PCBP3: variants seen among roughly 807,000 people sequenced by gnomAD.
PCBP3 encodes the protein poly(rC)-binding protein 3.
PCBP3 carries 25 observed loss-of-function variants against 52.7 expected under a neutral mutation model. The ratio of observed to expected loss-of-function variants is 0.47; its 90% CI spans 0.35 to 0.66. PCBP3 has a LOEUF of 0.66. Among genes scored for constraint, PCBP3 ranks in the 30% least tolerant of loss-of-function variants. The probability of loss-of-function intolerance (pLI) is 0.01; values close to 1 mark genes in which losing one functional copy is unlikely to be tolerated. For synonymous variants in PCBP3, 162 were observed against 183.0 expected (o/e 0.89, Z 0.93); for missense variants, 391 against 490.3 (o/e 0.80, Z 1.91).
At chr21:45,792,418 G>A (rs2091665156) in intron 4 of PCBP3, among the ~76,000 whole-genome samples, 1 of 152,214 alleles carries the variant, frequency 6.6e-6, no homozygotes, top group Non-Finnish European at 1.5e-5. Context: ...TGGGATAAGA[G>A]GTTAGCTTAT....
chr21:45,826,318 T>C (rs865991235), intron 4 of PCBP3, among the ~76,000 whole-genome samples: 17 of 152,012 alleles, frequency 1.1e-4, no homozygotes, highest in African/African-American at 3.6e-4. Context: ...CCAGGTGTCA[T>C]GTTACCTCAA....
chr21:45,658,125 A>C (rs2080139690), intron 1 of PCBP3, among the ~76,000 whole-genome samples: 1 of 152,106 alleles, frequency 6.6e-6, no homozygotes, highest in South Asian at 2.1e-4. Flanking sequence ...AAGCGTGTTG[A>C]ATGTTGTCAG....
At chr21:45,835,651 C>A (rs1324128570) in intron 4 of PCBP3, among the ~76,000 whole-genome samples, 1 of 152,222 alleles carries the variant, frequency 6.6e-6, no homozygotes, top group Non-Finnish European at 1.5e-5. Context: ...GAAGACAGAG[C>A]CTGGGCGTGG....
At position 45,788,866 on chromosome 21, in the gene PCBP3, C is replaced by T. The variant is rs1292324590; in HGVS notation, c.-126+33414C>T. 2 of 152,182 alleles carry T rather than the reference C, an allele frequency of 1.3e-5. No individual in the cohort carries two copies. Among genetic ancestry groups the T allele is most frequent in the African/African-American group, 4.8e-5 (2 of 41,446 alleles). The allele number at this position is 152,182 out of a possible 1,614,324, so 9.4% of individuals were successfully genotyped here. A position where few individuals can be genotyped will look rare whatever the true frequency, so the allele number is the denominator to read the frequency against. On this transcript the variant is annotated intron_variant, in intron 4 of 17. Coordinates refer to ENST00000681687, the MANE Select transcript of PCBP3 (RefSeq NM_001384156.1). The surrounding 1 kb of genome is among the most constrained non-coding windows in gnomAD (Gnocchi z 4.3). Reference sequence around the variant, plus strand: ...ACTCACCAGTCACAGGGCAGTTCTCCTCAGGTTAGAAACACAGTGGAGCTA... The same window carrying T: ...ACTCACCAGTCACAGGGCAGTTCTCTTCAGGTTAGAAACACAGTGGAGCTA...
At chr21:45,927,440 CAG>C (rs1396274019) in intron 13 of PCBP3, among the ~76,000 whole-genome samples, 3 of 144,164 alleles carry the variant, frequency 2.1e-5, no homozygotes, top group Non-Finnish European at 4.5e-5. Flanking sequence ...ATTTTTTCAA[CAG>C]GGCAGAATTT....
At chr21:45,662,271 G>GTTTTT (rs59220095) in intron 1 of PCBP3, among the ~76,000 whole-genome samples, 33 of 97,270 alleles carry the variant, frequency 3.4e-4, no homozygotes, top group African/African-American at 6.6e-4. Context: ...ATATACCTAA[G>GTTTTT]TTTTTTTTTT....
chr21:45,909,585 G>A (rs1426032933), intron 10 of PCBP3, 99 bp downstream of exon 10: 2 of 1,248,462 alleles, frequency 1.6e-6, no homozygotes, highest in African/African-American at 1.5e-5. Flanking sequence ...TGTCCCTGCT[G>A]TCTGCAAGCC....
At chr21:45,793,248 C>T (rs1400322866) in intron 4 of PCBP3, among the ~76,000 whole-genome samples, 1 of 152,156 alleles carries the variant, frequency 6.6e-6, no homozygotes, top group Non-Finnish European at 1.5e-5. Flanking sequence ...GAAAGCAGGA[C>T]TCACAGAATG....
At chr21:45,898,310 T>C (rs9980645) in intron 6 of PCBP3, among the ~76,000 whole-genome samples, 39,631 of 68,628 alleles carry the variant, frequency 0.58, 8,866 homozygotes, top group South Asian at 0.66. Flanking sequence ...GTCCTCACAG[T>C]CTCCCTCTGC....
At chr21:45,783,496 T>C (rs1313258246) in intron 4 of PCBP3, among the ~76,000 whole-genome samples, 1 of 152,216 alleles carries the variant, frequency 6.6e-6, no homozygotes, top group Non-Finnish European at 1.5e-5. Flanking sequence ...AAAGAGCTCC[T>C]GGAGATAGAA....
intron 2 of PCBP3, among the ~76,000 whole-genome samples, chr21:45,678,433 C>T (rs989601750): frequency 4.9e-4 from 74 of 152,138 alleles, no homozygotes; most frequent in Non-Finnish European, 4.1e-4. Flanking sequence ...AGGCATTCAC[C>T]GTTCTCGATG....
intron 2 of PCBP3, among the ~76,000 whole-genome samples, chr21:45,682,387 C>T (rs1055758690): frequency 1.3e-5 from 2 of 152,142 alleles, no homozygotes; most frequent in Non-Finnish European, 2.9e-5. Flanking sequence ...ATACAGAAAG[C>T]ACATCTACTC....
intron 4 of PCBP3, among the ~76,000 whole-genome samples, 187 bp from the exon 5 acceptor site, chr21:45,849,774 G>A (rs1007640350): frequency 1.2e-4 from 18 of 152,198 alleles, no homozygotes; most frequent in African/African-American, 4.3e-4. Flanking sequence ...GGGTGTTGGG[G>A]GGAAGAGCCC....
At chr21:45,941,064 G>A (rs1180736671) in intron 17 of PCBP3, among the ~76,000 whole-genome samples, 1 of 152,224 alleles carries the variant, frequency 6.6e-6, no homozygotes, top group Non-Finnish European at 1.5e-5. Flanking sequence ...TGCCTGGAGA[G>A]GACGAGGACA....
chr21:45,774,114 G>C (rs2090077637), intron 4 of PCBP3, among the ~76,000 whole-genome samples: 1 of 152,016 alleles, frequency 6.6e-6, no homozygotes, highest in South Asian at 2.1e-4. Context: ...GCATCTAAAA[G>C]TTTTATGGGG....
At chr21:45,863,666 A>G (rs1219859001) in intron 5 of PCBP3, among the ~76,000 whole-genome samples, 1 of 152,204 alleles carries the variant, frequency 6.6e-6, no homozygotes, top group Non-Finnish European at 1.5e-5. Flanking sequence ...CTCCGGTAGC[A>G]TCTCATCTTG....
At chr21:45,893,451 T>G (rs2095734381) in intron 5 of PCBP3, among the ~76,000 whole-genome samples, 1 of 151,802 alleles carries the variant, frequency 6.6e-6, no homozygotes, top group Non-Finnish European at 1.5e-5. Flanking sequence ...CAGATGTGGG[T>G]GTCTGAAATC....
At chr21:45,838,822 A>G (rs902334843) in intron 4 of PCBP3, among the ~76,000 whole-genome samples, 7 of 152,136 alleles carry the variant, frequency 4.6e-5, no homozygotes, top group Non-Finnish European at 8.8e-5. Context: ...GTCAGTGCCT[A>G]CAGTCCTTCT....
chr21:45,762,575 T>G (rs1039797782), intron 4 of PCBP3: 2 of 144,330 alleles, frequency 1.4e-5, no homozygotes, highest in African/African-American at 5.0e-5. Context: ...ACCTTGCAAC[T>G]TCTGCCTCCT....
Sources: gnomAD v4.1 joint callset for allele counts (sites outside exome capture counted in the v4.1 genomes callset) on GRCh38, gnomAD v4.1.1 for gene constraint, Gnocchi (gnomAD v3.1) non-coding constraint, MANE v1.5 for transcripts, NCBI Gene and HGNC (gene_info 2026-07-23, HGNC 2026-07-21) for gene names.